The following IKZF2 variants were observed in gnomAD, a reference collection of about 807,000 sequenced individuals.
IKZF2 encodes IKAROS family zinc finger 2.
In IKZF2, 15 loss-of-function variants were observed where a neutral mutation model predicts 49.2. That is an observed-to-expected ratio of 0.30 (90% CI 0.20 to 0.47). The LOEUF (loss-of-function observed/expected upper bound fraction) is 0.47, where lower values mean the gene tolerates loss of function less well. Ranked by LOEUF, IKZF2 falls within the 20% of genes least tolerant of loss-of-function variation. The pLI, the probability that IKZF2 is intolerant of heterozygous loss-of-function variation, is 1.00. For synonymous variants in IKZF2, 227 were observed against 221.4 expected (o/e 1.03, Z -0.23); for missense variants, 567 against 664.6 (o/e 0.85, Z 1.61).
chr2:213,142,782 C>T (rs2060918617), intron 4 of IKZF2, among the ~76,000 whole-genome samples: 2 of 151,868 alleles, frequency 1.3e-5, no homozygotes, highest in Non-Finnish European at 2.9e-5. Context: ...TAATTACATG[C>T]CTACCTCACA....
At chr2:213,148,833 C>T (rs2061170876) in intron 2 of IKZF2, among the ~76,000 whole-genome samples, 189 bp from the exon 3 acceptor site, 1 of 152,116 alleles carries the variant, frequency 6.6e-6, no homozygotes, top group Non-Finnish European at 1.5e-5. Flanking sequence ...TGATCTGATT[C>T]CTGCTGGAGA....
intron 4 of IKZF2, among the ~76,000 whole-genome samples, chr2:213,106,628 A>G (rs1156773261): frequency 6.9e-6 from 1 of 144,708 alleles, no homozygotes; most frequent in African/African-American, 2.5e-5. Flanking sequence ...CGACAGAGTG[A>G]GGGAAACCCT....
chr2:213,066,132 A>T lies in IKZF2; in HGVS notation c.140-9033T>A, dbSNP rs577513831. 1.1e-4 allele frequency among the ~76,000 whole-genome samples: 16 copies of T among 152,234 alleles called. No individual in the cohort carries two copies. In the South Asian group the frequency reaches 3.1e-3, roughly 30 times the overall value. On this transcript the variant is annotated intron_variant, in intron 4 of 8. Coordinates refer to ENST00000434687, the MANE Select transcript of IKZF2 (RefSeq NM_001387220.1). Reference sequence around the variant, plus strand: ...ATTGTGAAATTATCTTTTTAATAAGAGCAGTACAAAATTCTTAACCTAACT... The same window carrying T: ...ATTGTGAAATTATCTTTTTAATAAGTGCAGTACAAAATTCTTAACCTAACT...
intron 6 of IKZF2, among the ~76,000 whole-genome samples, chr2:213,042,159 G>T (rs1335741571): frequency 1.3e-5 from 2 of 151,944 alleles, no homozygotes; most frequent in Non-Finnish European, 2.9e-5. Flanking sequence ...ATCATTAGGA[G>T]TTACTTCAGT....
intron 4 of IKZF2, among the ~76,000 whole-genome samples, chr2:213,067,442 T>A (rs1702266411): frequency 6.6e-6 from 1 of 151,942 alleles, no homozygotes; most frequent in Non-Finnish European, 1.5e-5. Context: ...AAGGCATGAG[T>A]ACATGTTGGT....
intron 7 of IKZF2, chr2:213,021,611 G>C: frequency 2.8e-6 from 1 of 356,954 alleles, no homozygotes; most frequent in Non-Finnish European, 5.4e-6. Flanking sequence ...GGGCCGATTG[G>C]AGAAATTTCA....
intron 6 of IKZF2, among the ~76,000 whole-genome samples, chr2:213,031,078 A>G (rs11899222): frequency 0.23 from 35,393 of 152,130 alleles, 4,578 homozygotes; most frequent in Non-Finnish European, 0.28. Context: ...CGCCCGCCTC[A>G]GCCTCCCAAA....
At chr2:213,025,978 T>G (rs1396602758) in intron 6 of IKZF2, among the ~76,000 whole-genome samples, 1 of 152,140 alleles carries the variant, frequency 6.6e-6, no homozygotes, top group Non-Finnish European at 1.5e-5. Flanking sequence ...GGGCCTGGCA[T>G]AATAGACTTC....
chr2:213,017,100 G>C (rs1255038301), intron 7 of IKZF2: 1 of 152,080 alleles, frequency 6.6e-6, no homozygotes, highest in Non-Finnish European at 1.5e-5. Flanking sequence ...ATTTGGCAGT[G>C]CTGACACTTG....
At chr2:213,035,865 T>C (rs1698971294) in intron 6 of IKZF2, among the ~76,000 whole-genome samples, 1 of 152,156 alleles carries the variant, frequency 6.6e-6, no homozygotes, top group Non-Finnish European at 1.5e-5. Context: ...GGTTGCTATC[T>C]GGAGAATAGA....
chr2:213,071,330 G>A (rs2125490463), intron 4 of IKZF2, among the ~76,000 whole-genome samples: 1 of 152,110 alleles, frequency 6.6e-6, no homozygotes, highest in South Asian at 2.1e-4. Context: ...CATTTACTAA[G>A]TAATAGGCAA....
At chr2:213,082,864 T>C (rs1037763027) in intron 4 of IKZF2, among the ~76,000 whole-genome samples, 1 of 152,204 alleles carries the variant, frequency 6.6e-6, no homozygotes, top group Admixed American at 6.5e-5. Context: ...ATTTCACTAC[T>C]TTTGACAGTT....
chr2:213,104,111 A>G (rs1406201336), intron 4 of IKZF2, among the ~76,000 whole-genome samples: 1 of 152,156 alleles, frequency 6.6e-6, no homozygotes, highest in Non-Finnish European at 1.5e-5. Context: ...GTCTAGAGGT[A>G]TTGCAAACTT....
intron 4 of IKZF2, among the ~76,000 whole-genome samples, chr2:213,078,734 C>T (rs1484973205): frequency 1.3e-5 from 2 of 152,288 alleles, no homozygotes; most frequent in East Asian, 1.9e-4. Context: ...TGACAGTTCT[C>T]ATTTATCTGT....
intron 6 of IKZF2, among the ~76,000 whole-genome samples, chr2:213,039,361 A>G (rs1305191048): frequency 6.6e-6 from 1 of 152,062 alleles, no homozygotes; most frequent in East Asian, 1.9e-4. Flanking sequence ...CCATATATAT[A>G]TATATACTAA....
intron 6 of IKZF2, among the ~76,000 whole-genome samples, chr2:213,038,849 A>C (rs1160870098): frequency 6.6e-6 from 1 of 152,176 alleles, no homozygotes; most frequent in East Asian, 1.9e-4. Context: ...TAAATTCCTT[A>C]GTAAGAGACA....
At chr2:213,108,242 G>A (rs2059595463) in intron 4 of IKZF2, among the ~76,000 whole-genome samples, 1 of 151,972 alleles carries the variant, frequency 6.6e-6, no homozygotes, top group African/African-American at 2.4e-5. Flanking sequence ...GATTTTTATT[G>A]AGGAAAAAAA....
At chr2:213,012,292 G>C (rs1393966992) in intron 8 of IKZF2, among the ~76,000 whole-genome samples, 2 of 151,546 alleles carry the variant, frequency 1.3e-5, no homozygotes, top group African/African-American at 4.8e-5. Context: ...TCTTTTCTAA[G>C]GAATGCAGTG....
At chr2:213,093,442 C>T (rs1217658323) in intron 4 of IKZF2, among the ~76,000 whole-genome samples, 1 of 152,122 alleles carries the variant, frequency 6.6e-6, no homozygotes, top group Non-Finnish European at 1.5e-5. Flanking sequence ...ATCTGAGTGG[C>T]CCCCACTCCT....
Sources: allele counts gnomAD v4.1 joint callset (sites outside exome capture counted in the v4.1 genomes callset), GRCh38; gene constraint gnomAD v4.1.1; transcripts MANE v1.5; gene names NCBI Gene and HGNC (gene_info 2026-07-23, HGNC 2026-07-21).